MYCBP2: variants seen among roughly 807,000 people sequenced by gnomAD.
MYCBP2 encodes the protein MYC binding protein 2.
Under a neutral mutation model 525.3 loss-of-function variants are expected in MYCBP2, and 120 were observed. The ratio of observed to expected loss-of-function variants is 0.23; its 90% CI spans 0.20 to 0.27. The LOEUF (loss-of-function observed/expected upper bound fraction) is 0.27, where lower values mean the gene tolerates loss of function less well. Ranked by LOEUF, MYCBP2 falls within the 10% of genes least tolerant of loss-of-function variation. The probability of loss-of-function intolerance (pLI) is 1.00; values close to 1 mark genes in which losing one functional copy is unlikely to be tolerated. For missense variants in MYCBP2, 4,149 were observed against 5,657.1 expected (o/e 0.73, Z 8.55); for synonymous variants, 1,894 against 1,955.8 (o/e 0.97, Z 0.83).
intron 1 of MYCBP2, among the ~76,000 whole-genome samples, chr13:77,303,118 A>C (rs1281319673): frequency 6.6e-6 from 1 of 152,234 alleles, no homozygotes; most frequent in Non-Finnish European, 1.5e-5. Context: ...GTGGATCATG[A>C]GGTCAGGTGT....
At chr13:77,183,247 A>C (rs752085169) in intron 32 of MYCBP2, among the ~76,000 whole-genome samples, 3 of 152,210 alleles carry the variant, frequency 2.0e-5, no homozygotes, top group Non-Finnish European at 4.4e-5. Flanking sequence ...AGCTAAACTC[A>C]TAAAATTAGT....
intron 16 of MYCBP2, 22 bp downstream of exon 16, chr13:77,243,784 T>A: frequency 6.2e-7 from 1 of 1,610,240 alleles, no homozygotes; most frequent in South Asian, 1.1e-5. Context: ...CAGTGTAGCA[T>A]AGTATAATCA....
At chr13:77,223,897 G>A (rs138620131) in intron 20 of MYCBP2, among the ~76,000 whole-genome samples, 2 of 149,936 alleles carry the variant, frequency 1.3e-5, no homozygotes, top group South Asian at 2.1e-4. Context: ...ATCATGTCAC[G>A]AACTAAAACT....
rs769332141 is a variant in MYCBP2, at chr13:77,087,497, T to C, written c.10862A>G (p.Glu3621Gly). The C allele has an allele frequency of 1.2e-6, 2 of 1,610,842 alleles. No individual in the cohort carries two copies. Among genetic ancestry groups the C allele is most frequent in the East Asian group, 2.2e-5 (1 of 44,636 alleles). ...AATTTCATTTACTTGTTCTGAATTT[T>C]CTTTGCTTGTTTTATTTTCTTCATC... ...EEDEENKTSK[E>G]NSEQEKDTRV... Residue 3621 changes from glutamate (E) to glycine (G), a missense_variant, in exon 62 of 83, where the codon GAA (glutamate) becomes GGA (glycine). Physicochemically the swap from Glu to Gly is moderately conservative, Grantham distance 98 (BLOSUM62 -2). Transcript: ENST00000544440.
intron 55 of MYCBP2, among the ~76,000 whole-genome samples, chr13:77,104,220 AAC>A (rs1021396926): frequency 3.3e-5 from 5 of 152,220 alleles, no homozygotes; most frequent in East Asian, 1.9e-4. Context: ...AACTAGACAT[AAC>A]ACACACTTTT....
intron 3 of MYCBP2, among the ~76,000 whole-genome samples, chr13:77,281,141 A>G (rs1022527205): frequency 2.0e-5 from 3 of 152,230 alleles, no homozygotes; most frequent in African/African-American, 7.2e-5. Context: ...ATGAAAACAC[A>G]TATTTCTCCC....
At chr13:77,283,586 C>T (rs1309675567) in intron 3 of MYCBP2, among the ~76,000 whole-genome samples, 2 of 152,128 alleles carry the variant, frequency 1.3e-5, no homozygotes, top group African/African-American at 2.4e-5. Flanking sequence ...GGAAATATGA[C>T]TTCTAAGCGT....
chr13:77,099,311 A>G (rs1327177870), intron 55 of MYCBP2: 1 of 306,850 alleles, frequency 3.3e-6, no homozygotes, highest in Non-Finnish European at 6.0e-6. Flanking sequence ...ATAACTAGTT[A>G]GAATTTAAAT....
chr13:77,121,480 TC>T lies in MYCBP2; in HGVS notation c.8032del (p.Asp2678IlefsTer71). ...TGGAGGAGGAGTTTGAGAATTCTGA[TC>T]CAGAAGAGCTTGTTCTACAATAAAA... ...LRHEDEQALL[D>X]QNSQTPPPSP... is the part of the protein sequence containing the mutation. On this transcript the variant is annotated frameshift_variant, in exon 55 of 83. Coordinates refer to ENST00000544440, the MANE Select transcript of MYCBP2 (RefSeq NM_015057.5). LOFTEE classifies it high-confidence loss of function. 1 of 1,580,540 alleles carries T rather than the reference TC, an allele frequency of 6.3e-7. No individual in the cohort carries two copies. The highest frequency in any genetic ancestry group is 1.2e-5 in the South Asian group (1 of 85,840).
intron 2 of MYCBP2, among the ~76,000 whole-genome samples, chr13:77,292,205 A>G (rs191591854): frequency 7.2e-5 from 11 of 152,328 alleles, no homozygotes; most frequent in African/African-American, 2.2e-4. Flanking sequence ...AGCTCAGTCA[A>G]TGAAGAACTA....
intron 48 of MYCBP2, 51 bp from the exon 49 acceptor site, chr13:77,144,611 C>G (rs1211978213): frequency 6.0e-6 from 7 of 1,168,110 alleles, no homozygotes; most frequent in Non-Finnish European, 7.8e-6. Flanking sequence ...GTTAAGCAGT[C>G]AACATCATTA....
chr13:77,269,499 A>G (rs569919785), intron 7 of MYCBP2, among the ~76,000 whole-genome samples: 2 of 152,210 alleles, frequency 1.3e-5, no homozygotes, highest in East Asian at 3.9e-4. Context: ...TTAGCTAGGC[A>G]TGGTGGCATG....
chr13:77,064,822 A>C lies in MYCBP2; in HGVS notation c.12553-88T>G, dbSNP rs950304147. On this transcript the variant is annotated intron_variant, in intron 72 of 82. Transcript: ENST00000544440. ...TTTTCTTAAATAACATCTCCTATCA[A>C]AGGAAATATTTGTTTTTAGTGAGAC... 3.2e-6 allele frequency: 4 copies of C among 1,259,696 alleles called. No individual in the cohort carries two copies. The African/African-American group carries it at 4.6e-5, about 14-fold the overall frequency. The allele number at this position is 1,259,696 out of a possible 1,614,324, so 78.0% of individuals were successfully genotyped here. A position where few individuals can be genotyped will look rare whatever the true frequency, so the allele number is the denominator to read the frequency against.
At chr13:77,130,031 A>T (rs1238862886) in intron 52 of MYCBP2, among the ~76,000 whole-genome samples, 1 of 151,868 alleles carries the variant, frequency 6.6e-6, no homozygotes, top group Non-Finnish European at 1.5e-5. Flanking sequence ...AAAAATTAAC[A>T]TCTTCACAAA....
chr13:77,092,041 C>A (rs2185468), intron 59 of MYCBP2, among the ~76,000 whole-genome samples: 24,922 of 149,522 alleles, frequency 0.17, 2,365 homozygotes, highest in South Asian at 0.41. Context: ...ACGAGTAATC[C>A]ACACAGTTGG....
chr13:77,174,294 T>C lies in MYCBP2; in HGVS notation c.5651+17A>G. Reference sequence around the variant, plus strand: ...ACCACTGTAAAGTATTTCCGTTATCTCTATACATTCACCCACCTATAGTAG... The same window carrying C: ...ACCACTGTAAAGTATTTCCGTTATCCCTATACATTCACCCACCTATAGTAG... On this transcript the variant is annotated intron_variant, in intron 37 of 82. Coordinates refer to ENST00000544440, the MANE Select transcript of MYCBP2 (RefSeq NM_015057.5). 6.2e-7 allele frequency: 1 copy of C among 1,612,228 alleles called. No homozygotes were observed. Among genetic ancestry groups the C allele is most frequent in the Non-Finnish European group, 8.5e-7 (1 of 1,178,406 alleles).
intron 55 of MYCBP2, among the ~76,000 whole-genome samples, chr13:77,119,626 G>C (rs781028053): frequency 6.6e-6 from 1 of 152,088 alleles, no homozygotes; most frequent in Non-Finnish European, 1.5e-5. Context: ...AGATAATAAA[G>C]TTAGATATAT....
intron 82 of MYCBP2, among the ~76,000 whole-genome samples, chr13:77,049,088 T>G (rs906436414): frequency 1.3e-5 from 2 of 152,102 alleles, no homozygotes; most frequent in African/African-American, 4.8e-5. Flanking sequence ...ACCTACAACT[T>G]TCATTCAATA....
intron 8 of MYCBP2, among the ~76,000 whole-genome samples, chr13:77,266,746 GAAAAAA>G (rs56408804): frequency 1.1e-5 from 1 of 89,414 alleles, no homozygotes; most frequent in African/African-American, 4.4e-5. Flanking sequence ...GACTTGTAAT[GAAAAAA>G]AAAAAAAAAA....
Sources: gnomAD v4.1 joint callset for allele counts (sites outside exome capture counted in the v4.1 genomes callset) on GRCh38, gnomAD v4.1.1 for gene constraint, MANE v1.5 for transcripts, NCBI Gene and HGNC (gene_info 2026-07-23, HGNC 2026-07-21) for gene names.